VPS13D: variants seen among roughly 807,000 people sequenced by gnomAD.
VPS13D encodes intermembrane lipid transfer protein VPS13D.
A neutral mutation model predicts 461.9 loss-of-function variants in VPS13D; 187 were observed. The ratio of observed to expected loss-of-function variants is 0.40; its 90% CI spans 0.36 to 0.46. VPS13D has a LOEUF of 0.46. Among genes scored for constraint, VPS13D ranks in the 20% least tolerant of loss-of-function variants. VPS13D has a pLI of 0.60. For missense variants in VPS13D, 4,711 were observed against 5,364.9 expected (o/e 0.88, Z 3.81); for synonymous variants, 1,951 against 1,986.3 (o/e 0.98, Z 0.47).
At chr1:12,322,855 T>C in intron 34 of VPS13D, 109 bp downstream of exon 34, 1 of 921,264 alleles carries the variant, frequency 1.1e-6, no homozygotes, top group East Asian at 2.6e-5. Flanking sequence ...TAATTGTATG[T>C]CATTAAGTAT....
chr1:12,413,423 A>G (rs1490145318), intron 63 of VPS13D, among the ~76,000 whole-genome samples: 5 of 152,082 alleles, frequency 3.3e-5, no homozygotes, highest in Non-Finnish European at 7.4e-5. Context: ...CAGTGAGCCA[A>G]GATCCCGCCA....
In VPS13D at chr1:12,304,517, T is replaced by C; in HGVS notation, c.6228T>C (p.Pro2076=). The change falls in exon 26 of 70, where the codon CCT becomes CCC. Residue 2076 remains proline, a synonymous_variant. Coordinates refer to ENST00000620676, the MANE Select transcript of VPS13D (RefSeq NM_015378.4). ...TTGTTCCTTCCCAGGAATCTGTGCC[T>C]TCAGCTTCCCCAACGGGTATTCCCA... ...TFSLQDKESV[P]SASPTGIPKH... 1 of 1,613,674 alleles carries C rather than the reference T, an allele frequency of 6.2e-7. No individual in the cohort carries two copies. The highest frequency in any genetic ancestry group is 8.5e-7 in the Non-Finnish European group (1 of 1,179,768).
intron 65 of VPS13D, among the ~76,000 whole-genome samples, chr1:12,420,486 A>G (rs924257515): frequency 1.3e-5 from 2 of 152,228 alleles, no homozygotes; most frequent in African/African-American, 4.8e-5. Context: ...TTTACTGCAA[A>G]GACCAGAGGG....
intron 42 of VPS13D, among the ~76,000 whole-genome samples, chr1:12,343,385 G>C (rs1382099486): frequency 6.6e-6 from 1 of 152,014 alleles, no homozygotes; most frequent in African/African-American, 2.4e-5. Context: ...TGTTGGCCAG[G>C]CTGGTCTCAA....
intron 63 of VPS13D, among the ~76,000 whole-genome samples, chr1:12,414,143 G>A (rs1357439259): frequency 6.6e-6 from 1 of 152,096 alleles, no homozygotes; most frequent in Admixed American, 6.5e-5. Flanking sequence ...AATTAGCTGG[G>A]CATGGTAGTT....
intron 52 of VPS13D, among the ~76,000 whole-genome samples, chr1:12,368,157 C>A (rs1053872733): frequency 6.6e-6 from 1 of 152,184 alleles, no homozygotes; most frequent in Non-Finnish European, 1.5e-5. Flanking sequence ...TTCCCTTCAG[C>A]GATTTTTCTG....
At chr1:12,410,069 C>CT (rs1291278965) in intron 63 of VPS13D, among the ~76,000 whole-genome samples, 1 of 152,132 alleles carries the variant, frequency 6.6e-6, no homozygotes, top group African/African-American at 2.4e-5. Context: ...TTCATTGCTA[C>CT]TAAGAGAGCT....
chr1:12,310,798 TCCCTCCCTCCCTCCC>T lies in VPS13D; in HGVS notation c.6651-655_6651-641del, dbSNP rs1557701240. Among the ~76,000 whole-genome samples the T allele has an allele frequency of 9.4e-5, 10 of 106,086 alleles. No homozygotes were observed. In the Admixed American group the frequency reaches 9.5e-4, roughly 10 times the overall value. 69.6% of individuals were successfully genotyped at this position (106,086 alleles called of 152,430 possible). On this transcript the variant is annotated intron_variant, in intron 27 of 69. Transcript: ENST00000620676. ...TTCCTTCCTTCCTTCCTTCCTTCCC[TCCCTCCCTCCCTCCC>T]TCCCTCCTTCCCTCCTTCCTTCCTT...
chr1:12,321,800 A>G lies in VPS13D; in HGVS notation c.7549-9A>G, dbSNP rs2101529992. 6.3e-7 allele frequency: 1 copy of G among 1,594,022 alleles called. No homozygotes were observed. Among genetic ancestry groups the G allele is most frequent in the Non-Finnish European group, 8.5e-7 (1 of 1,173,648 alleles). On this transcript the variant is annotated splice_polypyrimidine_tract_variant and intron_variant, in intron 32 of 69. Transcript: ENST00000620676. ...ATTAATTCTCGCCATATTGCATTTC[A>G]TTCTGTAGGTGTTTTCATGCCGACT...
At chr1:12,380,739 G>A (rs775323631) in intron 57 of VPS13D, among the ~76,000 whole-genome samples, 1 of 152,198 alleles carries the variant, frequency 6.6e-6, no homozygotes, top group African/African-American at 2.4e-5. Flanking sequence ...AACTCTGAGT[G>A]TACTTAGATT....
chr1:12,493,095 A>ATGT (rs974332422), intron 67 of VPS13D, among the ~76,000 whole-genome samples: 1 of 149,688 alleles, frequency 6.7e-6, no homozygotes, highest in African/African-American at 2.5e-5. Flanking sequence ...GCTTTCACAG[A>ATGT]TGTTTATTTC....
rs1367150464 is a variant in VPS13D, at chr1:12,460,220, C to G, written c.12486C>G (p.Thr4162=). ...GLAHGIIGGL[T]SVITSTVEGV... is the part of the protein sequence containing the mutation. ...CACTAGGTATCATTGGTGGACTGAC[C>G]AGTGTTATAACTTCGACAGTGGAAG... Residue 4162 remains threonine, a synonymous_variant, in exon 67 of 70, where the codon ACC becomes ACG. Coordinates refer to ENST00000620676, the MANE Select transcript of VPS13D (RefSeq NM_015378.4). 1 of 1,605,120 alleles carries G rather than the reference C, an allele frequency of 6.2e-7. No individual in the cohort carries two copies. The highest frequency in any genetic ancestry group is 1.7e-5 in the Admixed American group (1 of 58,796).
intron 57 of VPS13D, 37 bp from the exon 58 acceptor site, chr1:12,382,939 G>A: frequency 6.3e-7 from 1 of 1,583,762 alleles, no homozygotes; most frequent in South Asian, 1.2e-5. Context: ...CAGTGCCTCT[G>A]TCTTTTCTCA....
At chr1:12,290,283 A>C (rs1272149186) in intron 22 of VPS13D, among the ~76,000 whole-genome samples, 1 of 152,192 alleles carries the variant, frequency 6.6e-6, no homozygotes, top group Non-Finnish European at 1.5e-5. Flanking sequence ...ATGTTGCTTG[A>C]ATACCTAACA....
At chr1:12,401,762 A>C in intron 62 of VPS13D, 58 bp downstream of exon 62, 1 of 1,457,860 alleles carries the variant, frequency 6.9e-7, no homozygotes, top group Non-Finnish European at 9.6e-7. Flanking sequence ...GGTATTTTTG[A>C]GTCTGTTTGT....
chr1:12,290,596 C>T (rs1456323784), intron 22 of VPS13D, among the ~76,000 whole-genome samples: 1 of 151,950 alleles, frequency 6.6e-6, no homozygotes, highest in Admixed American at 6.6e-5. Context: ...GTGGTGGGCA[C>T]CTGTAGTCCC....
At chr1:12,322,789 G>A (rs1417405466) in intron 34 of VPS13D, 43 bp downstream of exon 34, 4 of 1,569,440 alleles carry the variant, frequency 2.5e-6, no homozygotes, top group African/African-American at 1.4e-5. Flanking sequence ...TGCTAATAAC[G>A]CTTCTTCTTT....
chr1:12,244,482 G>T, intron 4 of VPS13D, 46 bp downstream of exon 4: 7 of 1,613,932 alleles, frequency 4.3e-6, no homozygotes, highest in Non-Finnish European at 5.9e-6. Context: ...GTGGTGACAC[G>T]TGTAAGATGA....
chr1:12,233,316 A>G (rs1416959685), intron 1 of VPS13D, among the ~76,000 whole-genome samples: 1 of 152,042 alleles, frequency 6.6e-6, no homozygotes, highest in African/African-American at 2.4e-5. Context: ...TCTTTCATGA[A>G]TTTCATTCAG....
Sources: gnomAD v4.1 joint callset for allele counts (sites outside exome capture counted in the v4.1 genomes callset) on GRCh38, gnomAD v4.1.1 for gene constraint, MANE v1.5 for transcripts, NCBI Gene and HGNC (gene_info 2026-07-23, HGNC 2026-07-21) for gene names.